PCDHA3: variants seen among roughly 807,000 people sequenced by gnomAD.
The protein encoded by PCDHA3 is protocadherin alpha 3.
A neutral mutation model predicts 62.2 loss-of-function variants in PCDHA3; 41 were observed. The ratio of observed to expected loss-of-function variants is 0.66; its 90% CI spans 0.51 to 0.86. PCDHA3 has a LOEUF of 0.86. PCDHA3 is among the 40% of genes least tolerant of loss of function. The probability of loss-of-function intolerance (pLI) is 0.00; values close to 1 mark genes in which losing one functional copy is unlikely to be tolerated. For synonymous variants in PCDHA3, 640 were observed against 555.4 expected, an observed-to-expected ratio of 1.15 and a Z score of -2.14; for missense variants, 1,304 against 1,241.2, an observed-to-expected ratio of 1.05 and a Z score of -0.76.
chr5:140,860,534 AAGAC>A, intron 1 of PCDHA3: 1 of 152,306 alleles, frequency 6.6e-6, no homozygotes, highest in Middle Eastern at 3.4e-3. Flanking sequence ...TCTGATTTGT[AAGAC>A]AAACCCACCT....
At chr5:140,884,637 A>G in intron 1 of PCDHA3, 2 of 1,610,636 alleles carry the variant, frequency 1.2e-6, no homozygotes, top group Non-Finnish European at 1.7e-6. Flanking sequence ...GGCCAGAGGG[A>G]GGAGGACTCA....
At position 140,848,955 on chromosome 5, in the gene PCDHA3, C is replaced by T. The variant is rs2150426444; in HGVS notation, c.2394+45364C>T. On this transcript the variant is annotated intron_variant, in intron 1 of 3. Coordinates refer to ENST00000522353, the MANE Select transcript of PCDHA3 (RefSeq NM_018906.3). ...CAGGCCGCTTGACTCTCGGTTTCCA[C>T]TAGAGGGCGCGTCCGATGCAGATAT... 9.1e-5 allele frequency: 146 copies of T among 1,606,852 alleles called. 6 individuals are homozygous for T. Among genetic ancestry groups the T allele is most frequent in the Middle Eastern group, 1.7e-4 (1 of 6,060 alleles).
intron 1 of PCDHA3, chr5:140,841,535 C>CG: frequency 6.2e-7 from 1 of 1,613,664 alleles, no homozygotes; most frequent in Non-Finnish European, 8.5e-7. Context: ...CAAAAGACAC[C>CG]GGGACCTTCT....
At chr5:140,953,413 C>T (rs965115726) in intron 1 of PCDHA3, among the ~76,000 whole-genome samples, 1 of 152,120 alleles carries the variant, frequency 6.6e-6, no homozygotes, top group Non-Finnish European at 1.5e-5. Context: ...GCTCCTGGCT[C>T]CTCCCCTTTG....
chr5:140,926,787 A>G, intron 1 of PCDHA3: 2 of 1,420,842 alleles, frequency 1.4e-6, no homozygotes, highest in Non-Finnish European at 1.8e-6. Context: ...GACGGCCGGC[A>G]GGAGCGTGCT....
intron 1 of PCDHA3, among the ~76,000 whole-genome samples, chr5:140,975,318 C>T (rs1554236746): frequency 6.6e-6 from 1 of 152,198 alleles, no homozygotes; most frequent in Admixed American, 6.5e-5. Flanking sequence ...TTATGTCAGT[C>T]CCATCCAGAT....
At chr5:140,877,196 G>C (rs782703953) in intron 1 of PCDHA3, 1 of 1,613,808 alleles carries the variant, frequency 6.2e-7, no homozygotes, top group East Asian at 2.2e-5. Context: ...AGCGCAGGAG[G>C]CGCAGTTAGC....
chr5:140,900,496 C>G (rs1476220010), intron 1 of PCDHA3, among the ~76,000 whole-genome samples: 2 of 152,212 alleles, frequency 1.3e-5, no homozygotes, highest in Admixed American at 6.5e-5. Flanking sequence ...AGACTGGTCT[C>G]AAATTCCCAG....
At chr5:140,992,950 C>T (rs1435932636) in intron 3 of PCDHA3, among the ~76,000 whole-genome samples, 1 of 152,216 alleles carries the variant, frequency 6.6e-6, no homozygotes, top group East Asian at 1.9e-4. Context: ...GAGATTAAAT[C>T]ACCCCTTATA....
At chr5:140,982,845 C>A (rs1436674965) in intron 3 of PCDHA3, among the ~76,000 whole-genome samples, 1 of 151,978 alleles carries the variant, frequency 6.6e-6, no homozygotes, top group Non-Finnish European at 1.5e-5. Flanking sequence ...TTGTTTAAAT[C>A]AGGTACCTTT....
intron 1 of PCDHA3, chr5:140,882,711 C>A: frequency 6.2e-7 from 1 of 1,614,160 alleles, no homozygotes; most frequent in Non-Finnish European, 8.5e-7. Flanking sequence ...TCTAGACCTC[C>A]GGAAACTCGA....
chr5:140,874,465 T>C (rs1554167224), intron 1 of PCDHA3, among the ~76,000 whole-genome samples: 1 of 152,184 alleles, frequency 6.6e-6, no homozygotes. Flanking sequence ...TAGGGGAAGA[T>C]TTAGAGAAAA....
chr5:140,916,142 T>C (rs868910993), intron 1 of PCDHA3, among the ~76,000 whole-genome samples: 2 of 151,944 alleles, frequency 1.3e-5, no homozygotes, highest in African/African-American at 4.8e-5. Context: ...GGCTGTTCAG[T>C]TGTGTTGTGG....
At chr5:140,978,887 A>C (rs1367734690) in intron 1 of PCDHA3, 62 bp from the exon 2 acceptor site, 14 of 1,611,648 alleles carry the variant, frequency 8.7e-6, no homozygotes, top group Admixed American at 1.7e-5. Flanking sequence ...ATCAATTAGC[A>C]GCATTCCTGG....
intron 1 of PCDHA3, among the ~76,000 whole-genome samples, chr5:140,932,387 T>C (rs1419863335): frequency 6.6e-6 from 1 of 151,960 alleles, no homozygotes; most frequent in Non-Finnish European, 1.5e-5. Context: ...AAGTTATACA[T>C]AGTTTCAACA....
intron 1 of PCDHA3, chr5:140,869,624 A>G: frequency 6.2e-7 from 1 of 1,613,850 alleles, no homozygotes; most frequent in African/African-American, 1.3e-5. Flanking sequence ...AGGCTAAGTA[A>G]AAATGAGTAT....
chr5:140,887,306 C>G (rs2061398552), intron 1 of PCDHA3, among the ~76,000 whole-genome samples: 1 of 152,096 alleles, frequency 6.6e-6, no homozygotes. Flanking sequence ...TCTTGTTAGC[C>G]AGGATAGTCT....
chr5:140,927,821 T>C (rs1554205108), intron 1 of PCDHA3: 1 of 1,614,118 alleles, frequency 6.2e-7, no homozygotes, highest in South Asian at 1.1e-5. Context: ...GAGGCATACA[T>C]TGAGGCGAGG....
intron 1 of PCDHA3, among the ~76,000 whole-genome samples, chr5:140,890,258 A>G (rs2062565845): frequency 6.6e-6 from 1 of 152,030 alleles, no homozygotes; most frequent in East Asian, 1.9e-4. Flanking sequence ...ACTGCACCTG[A>G]TTGCAAGCAA....
Sources: allele counts gnomAD v4.1 joint callset (sites outside exome capture counted in the v4.1 genomes callset), GRCh38; gene constraint gnomAD v4.1.1; transcripts MANE v1.5; gene names NCBI Gene and HGNC (gene_info 2026-07-23, HGNC 2026-07-21).